Variants in TMEM232 observed in about 807,000 individuals in gnomAD.
The protein encoded by TMEM232 is transmembrane protein 232.
A neutral mutation model predicts 78.8 loss-of-function variants in TMEM232; 80 were observed. The ratio of observed to expected loss-of-function variants is 1.01; its 90% confidence interval spans 0.85 to 1.22. TMEM232 has a LOEUF of 1.22. TMEM232 is among the 50% of genes most tolerant of loss of function. The pLI, the probability that TMEM232 is intolerant of heterozygous loss-of-function variation, is 0.00. For missense variants in TMEM232, 881 were observed against 742.2 expected (o/e 1.19, Z -2.17); for synonymous variants, 297 against 254.3 (o/e 1.17, Z -1.60).
intron 10 of TMEM232, among the ~76,000 whole-genome samples, chr5:110,592,195 A>G (rs1779618953): frequency 1.3e-5 from 2 of 152,228 alleles, no homozygotes; most frequent in South Asian, 2.1e-4. Flanking sequence ...CCAAAGATCC[A>G]GTAGAAACAT....
intron 1 of TMEM232, among the ~76,000 whole-genome samples, chr5:110,679,159 C>A (rs753731535): frequency 1.1e-4 from 17 of 152,138 alleles, no homozygotes; most frequent in Non-Finnish European, 2.2e-4. Flanking sequence ...CAAATGAGAG[C>A]ACCTGTTGTT....
intron 2 of TMEM232, among the ~76,000 whole-genome samples, chr5:110,403,027 CAAAA>C (rs1232651945): frequency 1.3e-5 from 2 of 151,814 alleles, no homozygotes; most frequent in Non-Finnish European, 2.9e-5. Context: ...AAATAAGAAA[CAAAA>C]AGAAAAAGAA....
At chr5:110,705,309 G>C (rs1795817573) in intron 1 of TMEM232, among the ~76,000 whole-genome samples, 1 of 152,070 alleles carries the variant, frequency 6.6e-6, no homozygotes, top group African/African-American at 2.4e-5. Flanking sequence ...GCAGGACTTA[G>C]GATATTAGGA....
intron 11 of TMEM232, among the ~76,000 whole-genome samples, chr5:110,560,158 T>C (rs1441739909): frequency 1.3e-5 from 2 of 152,284 alleles, no homozygotes; most frequent in Non-Finnish European, 2.9e-5. Flanking sequence ...GTGAAGCAAC[T>C]AGAACTTTCA....
intron 12 of TMEM232, among the ~76,000 whole-genome samples, chr5:110,526,760 T>C (rs1284128543): frequency 1.3e-5 from 2 of 151,978 alleles, no homozygotes; most frequent in African/African-American, 4.8e-5. Context: ...GGTTATTCTT[T>C]GTGGCATTGT....
At chr5:110,490,155 A>C (rs1253788709) in intron 12 of TMEM232, among the ~76,000 whole-genome samples, 2 of 142,234 alleles carry the variant, frequency 1.4e-5, no homozygotes, top group Non-Finnish European at 3.0e-5. Flanking sequence ...GAAAGAAAGA[A>C]AGAAAGAAAG....
intron 1 of TMEM232, among the ~76,000 whole-genome samples, chr5:110,675,785 T>A (rs1791954987): frequency 6.6e-6 from 1 of 152,210 alleles, no homozygotes; most frequent in Admixed American, 6.5e-5. Flanking sequence ...TTTTTGTGTG[T>A]AGTGAGAAAA....
intron 12 of TMEM232, among the ~76,000 whole-genome samples, chr5:110,526,162 A>G (rs943514890): frequency 5.3e-5 from 8 of 151,528 alleles, no homozygotes; most frequent in South Asian, 2.1e-4. Flanking sequence ...GGTGAAAAAG[A>G]CTTTTCATAA....
intron 9 of TMEM232, among the ~76,000 whole-genome samples, chr5:110,605,895 A>G (rs1781488205): frequency 6.6e-6 from 1 of 152,104 alleles, no homozygotes; most frequent in Non-Finnish European, 1.5e-5. Context: ...ACTGTGAACA[A>G]TTAGAAACAA....
chr5:110,592,293 A>T (rs1435027066), intron 10 of TMEM232, among the ~76,000 whole-genome samples: 1 of 152,158 alleles, frequency 6.6e-6, no homozygotes, highest in Non-Finnish European at 1.5e-5. Flanking sequence ...TATCCTTGGG[A>T]CATCTTTACC....
intron 12 of TMEM232, among the ~76,000 whole-genome samples, chr5:110,524,561 T>G (rs542487236): frequency 6.6e-6 from 1 of 152,300 alleles, no homozygotes; most frequent in East Asian, 1.9e-4. Flanking sequence ...GCTTGTGACC[T>G]AACATGTGAT....
At chr5:110,515,054 C>G (rs1483870550) in intron 12 of TMEM232, among the ~76,000 whole-genome samples, 1 of 152,192 alleles carries the variant, frequency 6.6e-6, no homozygotes, top group African/African-American at 2.4e-5. Flanking sequence ...ACACAAGAGT[C>G]AGAATGCCTT....
At chr5:110,478,615 A>C (rs1763517089) in intron 12 of TMEM232, among the ~76,000 whole-genome samples, 1 of 151,934 alleles carries the variant, frequency 6.6e-6, no homozygotes, top group Admixed American at 6.6e-5. Context: ...GTTAAACGTG[A>C]AGTGGAAGAT....
intron 13 of TMEM232, among the ~76,000 whole-genome samples, chr5:110,420,997 A>G (rs1375056390): frequency 1.3e-5 from 2 of 151,956 alleles, no homozygotes; most frequent in Non-Finnish European, 2.9e-5. Context: ...AACAATAAAA[A>G]AGAAGACATT....
At chr5:110,648,661 C>A (rs1227658019) in intron 2 of TMEM232, among the ~76,000 whole-genome samples, 1 of 151,852 alleles carries the variant, frequency 6.6e-6, no homozygotes, top group Non-Finnish European at 1.5e-5. Flanking sequence ...TTACTGGGAC[C>A]ACCGCTTATG....
At chr5:110,412,465 C>T (rs1328507283) in intron 2 of TMEM232, among the ~76,000 whole-genome samples, 1 of 152,040 alleles carries the variant, frequency 6.6e-6, no homozygotes, top group Non-Finnish European at 1.5e-5. Flanking sequence ...ACCTTTCTCG[C>T]TTGGGTTGAA....
Position 110,568,600 on chromosome 5 carries a change from G to C in TMEM232, c.1302C>G (p.Tyr434Ter), listed in dbSNP as rs1443037174. 18 of 1,548,012 alleles carry C rather than the reference G, an allele frequency of 1.2e-5. No individual in the cohort carries two copies. In the South Asian group the frequency reaches 2.2e-4, roughly 19 times the overall value. The change falls in exon 11 of 14, where the codon TAC becomes TAG. Residue 434 changes from tyrosine (Y) to a stop codon, truncating the protein, a stop_gained. Transcript: ENST00000455884. LOFTEE classifies it high-confidence loss of function. ...TCACCAGGTTATACACTAAGCCATA[G>C]TAACCAGTCCAGACTACTTGATCAC... ...ENCDQVVWTG[Y>*]YGLVYNLVKI...
intron 2 of TMEM232, among the ~76,000 whole-genome samples, chr5:110,657,384 A>AGTGT (rs56213934): frequency 0.05 from 7,424 of 148,738 alleles, 287 homozygotes; most frequent in African/African-American, 0.11. Flanking sequence ...TATCTATCTG[A>AGTGT]GTGTGTGTGT....
At chr5:110,560,143 C>T (rs1296760009) in intron 11 of TMEM232, among the ~76,000 whole-genome samples, 2 of 152,120 alleles carry the variant, frequency 1.3e-5, no homozygotes, top group African/African-American at 2.4e-5. Flanking sequence ...CAACACATAA[C>T]AGTTGTGAAG....
Sources: allele counts gnomAD v4.1 joint callset (sites outside exome capture counted in the v4.1 genomes callset), GRCh38; gene constraint gnomAD v4.1.1; transcripts MANE v1.5; gene names NCBI Gene and HGNC (gene_info 2026-07-23, HGNC 2026-07-21).